IDNK: variants seen among roughly 807,000 people sequenced by gnomAD.
IDNK encodes IDNK gluconokinase.
A neutral mutation model predicts 13.0 loss-of-function variants in IDNK; 9 were observed. The observed-to-expected ratio is 0.69, with a 90% CI of 0.42 to 1.21. The LOEUF (loss-of-function observed/expected upper bound fraction) is 1.21. IDNK is among the 50% of genes most tolerant of loss of function. The probability of loss-of-function intolerance (pLI) is 0.00; values close to 1 mark genes in which losing one functional copy is unlikely to be tolerated. For synonymous variants in IDNK, 92 were observed against 94.9 expected (o/e 0.97, Z 0.18); for missense variants, 210 against 237.8 (o/e 0.88, Z 0.77).
intron 1 of IDNK, among the ~76,000 whole-genome samples, chr9:83,627,614 A>C (rs908562800): frequency 2.0e-5 from 3 of 152,054 alleles, no homozygotes; most frequent in Non-Finnish European, 4.4e-5. Context: ...ATAGTTACCA[A>C]ATGCTCTACA....
At chr9:83,635,989 C>A (rs770910066) in intron 3 of IDNK, among the ~76,000 whole-genome samples, 16 of 152,320 alleles carry the variant, frequency 1.1e-4, no homozygotes, top group Non-Finnish European at 2.1e-4. Flanking sequence ...TGCCTTCTTT[C>A]ATTACAACTG....
intron 1 of IDNK, chr9:83,623,553 G>C (rs1405317337): frequency 3.1e-6 from 1 of 319,376 alleles, no homozygotes; most frequent in Non-Finnish European, 5.9e-6. Context: ...CGCGGGGCTA[G>C]GTTTCGGGGC....
chr9:83,639,484 G>A (rs1480241793), intron 3 of IDNK, among the ~76,000 whole-genome samples: 1 of 152,146 alleles, frequency 6.6e-6, no homozygotes, highest in South Asian at 2.1e-4. Flanking sequence ...TGTGTCATGG[G>A]AAAAAATAAA....
At chr9:83,626,020 C>A (rs1830839096) in intron 1 of IDNK, among the ~76,000 whole-genome samples, 1 of 152,216 alleles carries the variant, frequency 6.6e-6, no homozygotes, top group Non-Finnish European at 1.5e-5. Context: ...CATCTCCTTC[C>A]AGGTTTCCTT....
At chr9:83,627,090 CT>C (rs1461981098) in intron 1 of IDNK, 1 of 152,504 alleles carries the variant, frequency 6.6e-6, no homozygotes. Context: ...AGAAAGTTTC[CT>C]TCTTTAACAC....
intron 3 of IDNK, among the ~76,000 whole-genome samples, chr9:83,636,349 C>T (rs1379590753): frequency 6.6e-6 from 1 of 152,112 alleles, no homozygotes; most frequent in African/African-American, 2.4e-5. Flanking sequence ...GGCAATTTTC[C>T]ATCAAAAAAT....
chr9:83,642,021 T>C (rs1831323680), intron 4 of IDNK, among the ~76,000 whole-genome samples: 2 of 152,196 alleles, frequency 1.3e-5, no homozygotes, highest in South Asian at 4.1e-4. Flanking sequence ...CCTATCTCAG[T>C]CAATTTTTCT....
Position 83,623,164 on chromosome 9 carries a change from C to T in IDNK, c.-8C>T, listed in dbSNP as rs1044138457. ...CGGAAGGCGACGGGAAGGAGCCGAGCTTGGGTTATGGCGGCGCCGGGCGCG... is the reference window on the plus strand; with the variant it reads ...CGGAAGGCGACGGGAAGGAGCCGAGTTTGGGTTATGGCGGCGCCGGGCGCG... On this transcript the variant is annotated 5_prime_UTR_variant, in exon 1 of 5. Coordinates refer to ENST00000376419, the MANE Select transcript of IDNK (RefSeq NM_001001551.4). The T allele has an allele frequency of 1.4e-6, 2 of 1,419,748 alleles. No homozygotes were observed. Among genetic ancestry groups the T allele is most frequent in the Admixed American group, 6.7e-5 (2 of 29,948 alleles). 87.9% of individuals were successfully genotyped at this position (1,419,748 alleles called of 1,614,324 possible).
chr9:83,629,020 T>C, intron 3 of IDNK, 61 bp downstream of exon 3: 1 of 1,279,778 alleles, frequency 7.8e-7, no homozygotes, highest in Non-Finnish European at 1.1e-6. Context: ...ATGAGCTCGC[T>C]ACAGCACTTG....
chr9:83,643,007 CCTGAGCTTGG>C (rs1831354699), intron 4 of IDNK, among the ~76,000 whole-genome samples: 1 of 152,198 alleles, frequency 6.6e-6, no homozygotes, highest in Non-Finnish European at 1.5e-5. Flanking sequence ...CTGCAGAGGA[CCTGAGCTTGG>C]CTGTTTGCAT....
chr9:83,643,425 A>T lies in IDNK; in HGVS notation c.213-4A>T. On this transcript the variant is annotated splice_polypyrimidine_tract_variant and splice_region_variant and intron_variant, in intron 4 of 4. Coordinates refer to ENST00000376419, the MANE Select transcript of IDNK (RefSeq NM_001001551.4). ...CCCTCTTTTTTTTTTCTTTTTCTAA[A>T]CAGAGATGTAGCCTCGGGACAGCGT... 6.3e-7 allele frequency: 1 copy of T among 1,575,358 alleles called. No individual in the cohort carries two copies. The highest frequency in any genetic ancestry group is 1.9e-5 in the Admixed American group (1 of 52,458).
intron 1 of IDNK, among the ~76,000 whole-genome samples, chr9:83,623,802 G>A (rs1830772182): frequency 6.6e-6 from 1 of 152,236 alleles, no homozygotes; most frequent in Admixed American, 6.5e-5. Context: ...AAAGAAAGAA[G>A]AGAATTGTGG....
chr9:83,632,334 CT>C (rs1421543021), intron 3 of IDNK, among the ~76,000 whole-genome samples: 1 of 152,088 alleles, frequency 6.6e-6, no homozygotes, highest in East Asian at 1.9e-4. Context: ...AGAAAGCTTT[CT>C]CTAGCCTCAT....
In IDNK at chr9:83,639,214, T is replaced by C. The variant is rs910222939; in HGVS notation, c.169-2334T>C. 3.3e-5 allele frequency among the ~76,000 whole-genome samples: 5 copies of C among 152,176 alleles called. No homozygotes were observed. The East Asian group carries it at 5.8e-4, about 18-fold the overall frequency. The stretch of plus-strand genomic sequence containing the variant: ...AAAAAATTAACATTCATATAAATAA[T>C]TTATGTTAAAAGTCACAATGGAAAT... On this transcript the variant is annotated intron_variant, in intron 3 of 4. Coordinates refer to ENST00000376419, the MANE Select transcript of IDNK (RefSeq NM_001001551.4).
chr9:83,633,325 C>G lies in IDNK; in HGVS notation c.168+4366C>G, dbSNP rs144841543. Among the ~76,000 whole-genome samples, 1,264 of 152,034 alleles carry G rather than the reference C, an allele frequency of 8.3e-3. 21 individuals carry two copies. Among genetic ancestry groups the G allele is most frequent in the African/African-American group, 0.029 (1,209 of 41,462 alleles). Reference sequence around the variant, plus strand: ...CTGCACTCCAGCCTGGGTGACAGAGCAAGACTACATCTCAAAAATAAAAAA... The same window carrying G: ...CTGCACTCCAGCCTGGGTGACAGAGGAAGACTACATCTCAAAAATAAAAAA... On this transcript the variant is annotated intron_variant, in intron 3 of 4. Transcript: ENST00000376419.
At chr9:83,640,755 G>C (rs1170066895) in intron 3 of IDNK, among the ~76,000 whole-genome samples, 1 of 152,216 alleles carries the variant, frequency 6.6e-6, no homozygotes, top group East Asian at 1.9e-4. Context: ...TGAGGCAGGA[G>C]AATCGCTTGA....
At chr9:83,632,913 A>G (rs1177984154) in intron 3 of IDNK, among the ~76,000 whole-genome samples, 2 of 152,192 alleles carry the variant, frequency 1.3e-5, no homozygotes, top group Non-Finnish European at 2.9e-5. Flanking sequence ...CATTATGAAC[A>G]TAAAATTTGG....
chr9:83,623,369 G>A, intron 1 of IDNK, 148 bp downstream of exon 1: 2 of 762,352 alleles, frequency 2.6e-6, no homozygotes, highest in Non-Finnish European at 2.0e-6. Flanking sequence ...GCCCGCGGCT[G>A]CCGCGCCCTC....
At position 83,634,998 on chromosome 9, in the gene IDNK, A is replaced by T. The variant is rs145539450; in HGVS notation, c.168+6039A>T. On this transcript the variant is annotated intron_variant, in intron 3 of 4. Coordinates refer to ENST00000376419, the MANE Select transcript of IDNK (RefSeq NM_001001551.4). The stretch of plus-strand genomic sequence containing the variant: ...TTCCAATCACTTCCTCTTCTAAAGC[A>T]TTCTTCTTGCTGAATGGAGATTCGC... Among the ~76,000 whole-genome samples the T allele has an allele frequency of 2.8e-4, 43 of 152,336 alleles. No individual in the cohort carries two copies. In the East Asian group the frequency reaches 8.3e-3, roughly 29 times the overall value.
Sources: allele counts gnomAD v4.1 joint callset (sites outside exome capture counted in the v4.1 genomes callset), GRCh38; gene constraint gnomAD v4.1.1; transcripts MANE v1.5; gene names NCBI Gene and HGNC (gene_info 2026-07-23, HGNC 2026-07-21).